The following SLC9A8 variants were observed in gnomAD, a reference collection of about 807,000 sequenced individuals.
SLC9A8 encodes the protein sodium/hydrogen exchanger 8.
Under a neutral mutation model 66.6 loss-of-function variants are expected in SLC9A8, and 48 were observed. That is an observed-to-expected ratio of 0.72 (90% CI 0.57 to 0.92). The LOEUF (loss-of-function observed/expected upper bound fraction) is 0.92, where lower values mean the gene tolerates loss of function less well. Ranked by LOEUF, SLC9A8 falls within the 40% of genes least tolerant of loss-of-function variation. The pLI is 0.00. For missense variants in SLC9A8, 599 were observed against 747.3 expected, an observed-to-expected ratio of 0.80 and a Z score of 2.31; for synonymous variants, 274 against 282.6, an observed-to-expected ratio of 0.97 and a Z score of 0.31.
In SLC9A8 at chr20:49,869,502, G is replaced by A. The variant is rs542893894; in HGVS notation, c.958+4658G>A. ...CTCCCAAAGTGCTGGGATTACAGGC[G>A]TGAGCCACCGCGCCCGGCCAACATA... On this transcript the variant is annotated intron_variant, in intron 10 of 15. Coordinates refer to ENST00000361573, the MANE Select transcript of SLC9A8 (RefSeq NM_015266.3). Among the ~76,000 whole-genome samples, 78 of 151,172 alleles carry A rather than the reference G, an allele frequency of 5.2e-4. No homozygotes were observed. In the South Asian group the frequency reaches 7.1e-3, roughly 14 times the overall value.
intron 4 of SLC9A8, among the ~76,000 whole-genome samples, chr20:49,840,229 T>C (rs1387835776): frequency 6.6e-6 from 1 of 152,190 alleles, no homozygotes; most frequent in African/African-American, 2.4e-5. Context: ...TTTGCTGATA[T>C]ATATACCCTT....
At chr20:49,860,750 G>A (rs543014356) in intron 8 of SLC9A8, among the ~76,000 whole-genome samples, 2 of 152,020 alleles carry the variant, frequency 1.3e-5, no homozygotes, top group African/African-American at 4.8e-5. Context: ...AAATGATATC[G>A]ATTCATGACA....
At chr20:49,881,090 CA>C in intron 13 of SLC9A8, 55 bp downstream of exon 13, 1 of 1,249,618 alleles carries the variant, frequency 8.0e-7, no homozygotes, top group African/African-American at 1.5e-5. Flanking sequence ...AAGCACGCCC[CA>C]TACAGGGAGA....
chr20:49,838,565 T>G lies in SLC9A8; in HGVS notation c.290-976T>G, dbSNP rs1161760480. The stretch of plus-strand genomic sequence containing the variant: ...CTTATCTCCCCTCTTCACCTGAAAC[T>G]ACCCACCCTGAGGTAGTTTTAGTGC... On this transcript the variant is annotated intron_variant, in intron 3 of 15. Transcript: ENST00000361573. Among the ~76,000 whole-genome samples the G allele has an allele frequency of 5.3e-5, 8 of 152,234 alleles. 1 individual carries two copies. The highest frequency in any genetic ancestry group is 1.9e-4 in the African/African-American group (8 of 41,466).
intron 10 of SLC9A8, among the ~76,000 whole-genome samples, chr20:49,873,771 CAAAAAAAAA>C (rs35613935): frequency 3.3e-5 from 2 of 60,228 alleles, no homozygotes; most frequent in Non-Finnish European, 6.1e-5. Flanking sequence ...AACTCCGTCT[CAAAAAAAAA>C]AAAAAAAAAA....
chr20:49,860,929 A>G (rs2088705650), intron 8 of SLC9A8, among the ~76,000 whole-genome samples: 1 of 152,194 alleles, frequency 6.6e-6, no homozygotes, highest in Non-Finnish European at 1.5e-5. Flanking sequence ...GAGGCACGAC[A>G]GTTTCCCATG....
At position 49,815,052 on chromosome 20, in the gene SLC9A8, A is replaced by C. The variant is rs755004910; in HGVS notation, c.71A>C (p.His24Pro). The change falls in exon 2 of 16, where the codon CAC (histidine) becomes CCC (proline). Residue 24 changes from histidine to proline, a missense_variant. His to Pro is a moderately conservative substitution (Grantham distance 77). Around this residue, in one of 2 missense-constraint regions of SLC9A8, gnomAD observed 132 missense variants for 120.9 expected, o/e 1.09. Coordinates refer to ENST00000361573, the MANE Select transcript of SLC9A8 (RefSeq NM_015266.3). ...TTHEGFNVTL[H>P]TTLVVTTKLV... ...CATGAGGGTTTCAATGTCACCCTCC[A>C]CACCACCCTGGTTGTCACGACGAAA... 5 of 1,606,476 alleles carry C rather than the reference A, an allele frequency of 3.1e-6. No homozygotes were observed. The highest frequency in any genetic ancestry group is 3.4e-6 in the Non-Finnish European group (4 of 1,176,434).
intron 13 of SLC9A8, among the ~76,000 whole-genome samples, chr20:49,883,111 C>T (rs1432703014): frequency 6.6e-6 from 1 of 151,168 alleles, no homozygotes; most frequent in Non-Finnish European, 1.5e-5. Context: ...AAGGGTGGGG[C>T]TAGGACTGCC....
intron 12 of SLC9A8, among the ~76,000 whole-genome samples, chr20:49,879,398 C>CT (rs1428728767): frequency 3.9e-5 from 6 of 152,226 alleles, no homozygotes; most frequent in Admixed American, 3.9e-4. Flanking sequence ...CTCTATACCT[C>CT]AGTTTCCTTG....
intron 8 of SLC9A8, among the ~76,000 whole-genome samples, chr20:49,856,861 G>A (rs1040196433): frequency 5.3e-5 from 8 of 151,246 alleles, no homozygotes; most frequent in Non-Finnish European, 8.8e-5. Flanking sequence ...GTCATATCAC[G>A]TGCCTGTATT....
intron 3 of SLC9A8, chr20:49,829,935 C>T (rs2087102010): frequency 1.7e-6 from 1 of 585,718 alleles, no homozygotes; most frequent in South Asian, 1.4e-5. Context: ...GAGCAAAGTC[C>T]CCAGAAGCGG....
intron 3 of SLC9A8, 37 bp downstream of exon 3, chr20:49,823,178 A>T (rs768563359): frequency 3.5e-5 from 52 of 1,494,372 alleles, no homozygotes; most frequent in Non-Finnish European, 4.7e-5. Flanking sequence ...TAAAAGCAGT[A>T]ACAATAACTA....
intron 3 of SLC9A8, chr20:49,829,715 A>C (rs2087092735): frequency 8.1e-6 from 4 of 494,108 alleles, no homozygotes; most frequent in Non-Finnish European, 1.6e-5. Context: ...GGAGAGCCCA[A>C]AGGGAAAGAT....
At chr20:49,813,039 A>G in intron 1 of SLC9A8, 91 bp downstream of exon 1, 1 of 1,036,376 alleles carries the variant, frequency 9.6e-7, no homozygotes, top group African/African-American at 1.7e-5. Flanking sequence ...CGGCCCCGGA[A>G]GGCGGAGCTT....
intron 3 of SLC9A8, among the ~76,000 whole-genome samples, chr20:49,828,757 T>A (rs1239065161): frequency 2.0e-5 from 3 of 151,806 alleles, no homozygotes; most frequent in East Asian, 3.9e-4. Context: ...GAGAATCACT[T>A]TACTCCGGTA....
chr20:49,862,049 T>C (rs752175292), intron 8 of SLC9A8, among the ~76,000 whole-genome samples: 7 of 151,816 alleles, frequency 4.6e-5, no homozygotes, highest in Non-Finnish European at 1.0e-4. Flanking sequence ...CCTCTGCCAC[T>C]CTTCTCACCT....
At chr20:49,819,608 G>A (rs1224101979) in intron 2 of SLC9A8, among the ~76,000 whole-genome samples, 2 of 151,812 alleles carry the variant, frequency 1.3e-5, no homozygotes, top group African/African-American at 4.8e-5. Context: ...GCAGCATCTA[G>A]TACATTCACA....
At chr20:49,832,231 C>A (rs994918870) in intron 3 of SLC9A8, among the ~76,000 whole-genome samples, 7 of 152,142 alleles carry the variant, frequency 4.6e-5, no homozygotes, top group Non-Finnish European at 1.0e-4. Flanking sequence ...GCCTGACCAA[C>A]GATAAGCATT....
At position 49,886,661 on chromosome 20, in the gene SLC9A8, A is replaced by G; in HGVS notation, c.1492-91A>G. ...GTCAAGTGGAGTTAGGGTTGGGGAC[A>G]CTGGCGGCCTGGGTGGTGTGGGGGC... On this transcript the variant is annotated intron_variant, in intron 14 of 15. Coordinates refer to ENST00000361573, the MANE Select transcript of SLC9A8 (RefSeq NM_015266.3). The surrounding 1 kb of genome is among the most constrained non-coding windows in gnomAD (Gnocchi z 4.8). The G allele has an allele frequency of 6.8e-7, 1 of 1,471,096 alleles. No homozygotes were observed. Among genetic ancestry groups the G allele is most frequent in the Non-Finnish European group, 9.3e-7 (1 of 1,080,100 alleles). The allele number at this position is 1,471,096 out of a possible 1,614,324, so 91.1% of individuals were successfully genotyped here. A position where few individuals can be genotyped will look rare whatever the true frequency, so the allele number is the denominator to read the frequency against.
Sources: allele counts gnomAD v4.1 joint callset (sites outside exome capture counted in the v4.1 genomes callset), GRCh38; gene constraint gnomAD v4.1.1; regional missense constraint gnomAD v4.1.1; non-coding constraint Gnocchi (gnomAD v3.1); transcripts MANE v1.5; gene names NCBI Gene and HGNC (gene_info 2026-07-23, HGNC 2026-07-21).